The following CLVS1 variants were observed in gnomAD, a reference collection of about 807,000 sequenced individuals.
The protein encoded by CLVS1 is clavesin-1.
Under a neutral mutation model 33.1 loss-of-function variants are expected in CLVS1, and 10 were observed. The observed-to-expected ratio is 0.30, with a 90% CI of 0.19 to 0.51. The LOEUF (loss-of-function observed/expected upper bound fraction) is 0.51, where lower values mean the gene tolerates loss of function less well. Ranked by LOEUF, CLVS1 falls within the 20% of genes least tolerant of loss-of-function variation. The pLI is 0.97. For synonymous variants in CLVS1, 163 were observed against 166.1 expected (o/e 0.98, Z 0.14); for missense variants, 343 against 433.4 (o/e 0.79, Z 1.85).
chr8:61,121,627 C>T (rs974847685), intron 1 of CLVS1, among the ~76,000 whole-genome samples: 3 of 152,148 alleles, frequency 2.0e-5, no homozygotes, highest in Admixed American at 6.5e-5. Context: ...GCAGAAGAAT[C>T]AAATTCTGAG....
chr8:61,116,200 T>C (rs56013258), intron 1 of CLVS1, among the ~76,000 whole-genome samples: 2,510 of 151,200 alleles, frequency 0.017, 56 homozygotes, highest in African/African-American at 0.054. Flanking sequence ...TCATGTCCTT[T>C]GCCCACTTTT....
chr8:61,125,360 G>A (rs930543807), intron 1 of CLVS1, among the ~76,000 whole-genome samples: 2 of 152,128 alleles, frequency 1.3e-5, no homozygotes, highest in Non-Finnish European at 2.9e-5. Flanking sequence ...GACAGGTTGT[G>A]GGGGGCTAGG....
intron 2 of CLVS1, among the ~76,000 whole-genome samples, chr8:61,154,608 C>T (rs1056505812): frequency 8.5e-5 from 13 of 152,216 alleles, no homozygotes; most frequent in African/African-American, 2.9e-4. Flanking sequence ...TGAAGTCTGA[C>T]AATCCTTTGT....
At chr8:61,061,119 C>T (rs997345471) in intron 1 of CLVS1, among the ~76,000 whole-genome samples, 3 of 152,110 alleles carry the variant, frequency 2.0e-5, no homozygotes, top group Admixed American at 2.0e-4. Context: ...CAGAACCTGT[C>T]CTGGATTTTA....
intron 1 of CLVS1, among the ~76,000 whole-genome samples, chr8:61,079,449 TA>T (rs1804982786): frequency 6.6e-6 from 1 of 152,198 alleles, no homozygotes; most frequent in African/African-American, 2.4e-5. Context: ...AACTGAGGTT[TA>T]ATGGTGTGAG....
chr8:60,974,718 G>A, the CLVS1 span, among the ~76,000 whole-genome samples: 4 of 151,396 alleles, frequency 2.6e-5, no homozygotes, highest in Admixed American at 1.3e-4. Flanking sequence ...GGCGGAGCTT[G>A]CAGTGAGCCG....
At chr8:61,125,377 G>C (rs888947734) in intron 1 of CLVS1, among the ~76,000 whole-genome samples, 4 of 152,144 alleles carry the variant, frequency 2.6e-5, no homozygotes, top group Non-Finnish European at 4.4e-5. Context: ...TAGGTGCAGA[G>C]AGCTGAACAA....
intron 1 of CLVS1, among the ~76,000 whole-genome samples, chr8:61,124,812 A>G (rs1325715425): frequency 1.3e-5 from 2 of 152,180 alleles, no homozygotes; most frequent in African/African-American, 4.8e-5. Flanking sequence ...GCTGTAATGG[A>G]GAGACACCCA....
At position 61,350,956 on chromosome 8, in the gene CLVS1, T is replaced by C. The variant is rs138379363; in HGVS notation, c.456-25649T>C. 2.6e-3 allele frequency among the ~76,000 whole-genome samples: 394 copies of C among 152,252 alleles called. 2 individuals carry two copies. Among genetic ancestry groups the C allele is most frequent in the African/African-American group, 8.5e-3 (355 of 41,548 alleles). On this transcript the variant is annotated intron_variant, in intron 2 of 5. Transcript: ENST00000325897. The stretch of plus-strand genomic sequence containing the variant: ...GGGTGTATGGAAGGTTGGTGAGGAA[T>C]TGATACATGTCCTCATTTGTCCCAG...
chr8:61,048,241 G>A, the CLVS1 span, among the ~76,000 whole-genome samples: 1 of 152,210 alleles, frequency 6.6e-6, no homozygotes, highest in Non-Finnish European at 1.5e-5. Flanking sequence ...CTGACCAAGA[G>A]TGAAGGGAAT....
intron 5 of CLVS1, among the ~76,000 whole-genome samples, chr8:61,476,289 G>T (rs529978925): frequency 3.3e-5 from 5 of 152,152 alleles, no homozygotes; most frequent in East Asian, 3.9e-4. Flanking sequence ...GGCTCTTTTT[G>T]GGTTCCATAT....
chr8:61,234,157 G>A (rs981801374), intron 2 of CLVS1, among the ~76,000 whole-genome samples: 3 of 152,130 alleles, frequency 2.0e-5, no homozygotes, highest in Admixed American at 1.3e-4. Flanking sequence ...ACAGACCACC[G>A]GCGTTAGGGG....
At chr8:61,412,643 G>T (rs144007662) in intron 3 of CLVS1, among the ~76,000 whole-genome samples, 4 of 152,328 alleles carry the variant, frequency 2.6e-5, no homozygotes, top group South Asian at 2.1e-4. Context: ...GCAGCCTCCT[G>T]CTTCTCTGCC....
chr8:61,486,508 A>G (rs1803887987), intron 5 of CLVS1, among the ~76,000 whole-genome samples: 2 of 152,380 alleles, frequency 1.3e-5, no homozygotes, highest in Non-Finnish European at 2.9e-5. Context: ...ATGTAAAACA[A>G]TGATTCAAAC....
the CLVS1 span, among the ~76,000 whole-genome samples, chr8:61,040,518 G>A: frequency 3.3e-5 from 5 of 152,188 alleles, no homozygotes; most frequent in South Asian, 1.0e-3. Context: ...TATCATTTTA[G>A]TAATAGCCAT....
chr8:61,085,346 A>G (rs16926810), intron 1 of CLVS1, among the ~76,000 whole-genome samples: 6,861 of 152,242 alleles, frequency 0.045, 521 homozygotes, highest in African/African-American at 0.16. Context: ...ATGGCATGGC[A>G]TTATTGGTTA....
intron 1 of CLVS1, among the ~76,000 whole-genome samples, chr8:61,107,305 C>G (rs1805555067): frequency 6.6e-6 from 1 of 152,182 alleles, no homozygotes; most frequent in Non-Finnish European, 1.5e-5. Flanking sequence ...TTGGTTTGGA[C>G]TGCTGTAACA....
At chr8:61,325,548 C>T (rs1811352511) in intron 2 of CLVS1, among the ~76,000 whole-genome samples, 1 of 152,096 alleles carries the variant, frequency 6.6e-6, no homozygotes. Context: ...GCACCATAAG[C>T]CACATCTATT....
chr8:61,132,065 G>A (rs1214915760), intron 2 of CLVS1, among the ~76,000 whole-genome samples: 2 of 152,222 alleles, frequency 1.3e-5, no homozygotes, highest in African/African-American at 2.4e-5. Context: ...AGTGAGCCAC[G>A]GTACATGGAC....
Sources: allele counts gnomAD v4.1 joint callset (sites outside exome capture counted in the v4.1 genomes callset), GRCh38; gene constraint gnomAD v4.1.1; transcripts MANE v1.5; gene names NCBI Gene and HGNC (gene_info 2026-07-23, HGNC 2026-07-21).